Variants in IL11RA observed in about 807,000 individuals in gnomAD.
IL11RA encodes interleukin-11 receptor subunit alpha.
In IL11RA, 51 loss-of-function variants were observed where a neutral mutation model predicts 57.0. That is an observed-to-expected ratio of 0.89 (90% confidence interval 0.71 to 1.13). IL11RA has a LOEUF of 1.13. Ranked by LOEUF, IL11RA falls within the 50% of genes most tolerant of loss-of-function variation. The pLI, the probability that IL11RA is intolerant of heterozygous loss-of-function variation, is 0.00. For synonymous variants in IL11RA, 199 were observed against 217.5 expected (o/e 0.91, Z 0.75); for missense variants, 498 against 539.4 (o/e 0.92, Z 0.76).
Position 34,661,802 on chromosome 9 carries a change from GGAGT to G in IL11RA, c.*306_*309del. 1 of 921,756 alleles carries G rather than the reference GGAGT, an allele frequency of 1.1e-6. No individual in the cohort carries two copies. The highest frequency in any genetic ancestry group is 1.7e-6 in the Non-Finnish European group (1 of 589,928). The allele number at this position is 921,756 out of a possible 1,614,324, so 57.1% of individuals were successfully genotyped here. A position where few individuals can be genotyped will look rare whatever the true frequency, so the allele number is the denominator to read the frequency against. On this transcript the variant is annotated 3_prime_UTR_variant, in exon 13 of 13. Coordinates refer to ENST00000441545, the MANE Select transcript of IL11RA (RefSeq NM_001142784.3). The stretch of plus-strand genomic sequence containing the variant: ...TGCATGCATGTATGTAGGTGCCTGG[GGAGT>G]GTGTGTGGGTCCTTGGCTCTTGGCC...
chr9:34,658,793 C>A lies in IL11RA; in HGVS notation c.810+110C>A. 1.6e-6 allele frequency: 2 copies of A among 1,236,332 alleles called. No homozygotes were observed. The highest frequency in any genetic ancestry group is 2.5e-5 in the South Asian group (2 of 81,536). The allele number at this position is 1,236,332 out of a possible 1,614,324, so 76.6% of individuals were successfully genotyped here. On this transcript the variant is annotated intron_variant, in intron 8 of 12. Coordinates refer to ENST00000441545, the MANE Select transcript of IL11RA (RefSeq NM_001142784.3). This position sits in a 1 kb window ranked among gnomAD's most constrained non-coding sequence, Gnocchi z 4.0. ...TGCTGGCAGGTCACTGAAGACCCAA[C>A]ACTTCCCTGTGGGCCAGGCTTTGTA... is the stretch of plus-strand genomic sequence containing the variant.
intron 3 of IL11RA, among the ~76,000 whole-genome samples, chr9:34,656,266 A>G (rs1051889172): frequency 2.0e-5 from 3 of 151,980 alleles, no homozygotes; most frequent in Non-Finnish European, 4.4e-5. Flanking sequence ...TCCTGACTTC[A>G]AGTAATCCAC....
At chr9:34,661,419 C>T (rs1821454168) in intron 12 of IL11RA, 63 bp from the exon 13 acceptor site, 7 of 1,580,018 alleles carry the variant, frequency 4.4e-6, no homozygotes. Flanking sequence ...CCCTCATTCT[C>T]AGGGTGTCTG....
At chr9:34,656,464 AGTGC>A in intron 3 of IL11RA, among the ~76,000 whole-genome samples, 1 of 152,326 alleles carries the variant, frequency 6.6e-6, no homozygotes. Flanking sequence ...GGGAGCAGCT[AGTGC>A]AAAATGTCCT....
rs750878767 is a variant in IL11RA, at chr9:34,657,069, A to G, written c.366A>G (p.Ala122=). Residue 122 remains alanine, a synonymous_variant, in exon 5 of 13, where the codon GCA becomes GCG. Coordinates refer to ENST00000441545, the MANE Select transcript of IL11RA (RefSeq NM_001142784.3). ...PPARPVVSCQ[A]ADYENFSCTW... ...CCCGCCCTGTTGTCTCCTGCCAAGCAGCCGACTATGAGAACTTCTCTTGCA... is the reference window on the plus strand; with the variant it reads ...CCCGCCCTGTTGTCTCCTGCCAAGCGGCCGACTATGAGAACTTCTCTTGCA... The G allele has an allele frequency of 9.1e-5, 147 of 1,614,060 alleles. 1 individual carries two copies. Among genetic ancestry groups the G allele is most frequent in the Non-Finnish European group, 3.1e-5 (36 of 1,180,046 alleles).
At chr9:34,660,424 A>T (rs754534089) in intron 10 of IL11RA, 31 bp downstream of exon 10, 2 of 1,613,806 alleles carry the variant, frequency 1.2e-6, no homozygotes, top group Non-Finnish European at 1.7e-6. Context: ...AAGACTTGTA[A>T]AGGACTGAAA....
chr9:34,655,650 C>T lies in IL11RA; in HGVS notation c.146C>T (p.Pro49Leu). ...GGCAGGTCCGTGAAGCTGTGTTGTC[C>T]TGGAGTGACTGCCGGGTAAGTGCCC... ...QPGRSVKLCCPGVTAGDPVSW... is the reference protein window; with the variant it reads ...QPGRSVKLCCLGVTAGDPVSW... Residue 49 changes from proline (P) to leucine (L), a missense_variant, in exon 3 of 13, where the codon CCT (proline) becomes CTT (leucine). Coordinates refer to ENST00000441545, the MANE Select transcript of IL11RA (RefSeq NM_001142784.3). 6.2e-7 allele frequency: 1 copy of T among 1,614,106 alleles called. No homozygotes were observed. The highest frequency in any genetic ancestry group is 8.5e-7 in the Non-Finnish European group (1 of 1,180,012).
At position 34,661,684 on chromosome 9, in the gene IL11RA, C is replaced by A; in HGVS notation, c.*186C>A. The A allele has an allele frequency of 1.3e-6, 1 of 755,976 alleles. No individual in the cohort carries two copies. The highest frequency in any genetic ancestry group is 2.3e-6 in the Non-Finnish European group (1 of 436,218). The allele number at this position is 755,976 out of a possible 1,614,324, so 46.8% of individuals were successfully genotyped here. ...GGTGCTTGTACCTCTGATTTCACCC[C>A]AGAGTTGGAGTTCTGCTCAAGGAAC... On this transcript the variant is annotated 3_prime_UTR_variant, in exon 13 of 13. Coordinates refer to ENST00000441545, the MANE Select transcript of IL11RA (RefSeq NM_001142784.3).
intron 4 of IL11RA, 49 bp downstream of exon 4, chr9:34,656,957 T>C: frequency 2.5e-6 from 4 of 1,611,572 alleles, no homozygotes; most frequent in Non-Finnish European, 3.4e-6. Flanking sequence ...CCTGAGGGAG[T>C]ATGGGACCTA....
At position 34,655,294 on chromosome 9, in the gene IL11RA, G is replaced by GC; in HGVS notation, c.82dup (p.Gln28ProfsTer45). ...GCCCTGGTGTCTGCCTCCTCCCCCT[G>GC]CCCCCAGGCCTGGGGCCCCCCAGGT... On this transcript the variant is annotated frameshift_variant, in exon 2 of 13. Coordinates refer to ENST00000441545, the MANE Select transcript of IL11RA (RefSeq NM_001142784.3). LOFTEE classifies it high-confidence loss of function. The GC allele has an allele frequency of 1.2e-6, 2 of 1,609,412 alleles. No individual in the cohort carries two copies. The highest frequency in any genetic ancestry group is 1.7e-6 in the Non-Finnish European group (2 of 1,177,418).
chr9:34,658,595 C>CA lies in IL11RA; in HGVS notation c.723dup (p.Tyr242IlefsTer117). 1 of 1,614,168 alleles carries CA rather than the reference C, an allele frequency of 6.2e-7. No homozygotes were observed. The highest frequency in any genetic ancestry group is 1.1e-5 in the South Asian group (1 of 91,090). ...CCCCGACGCCTGCGAGCCAGCTGGA[C>CA]ATACCCTGCCTCCTGGCCGTGCCAG... On this transcript the variant is annotated frameshift_variant, in exon 8 of 13. Transcript: ENST00000441545. LOFTEE classifies it high-confidence loss of function. This position sits in a 1 kb window ranked among gnomAD's most constrained non-coding sequence, Gnocchi z 4.0.
chr9:34,659,645 C>T, intron 8 of IL11RA, 114 bp from the exon 9 acceptor site: 2 of 1,291,100 alleles, frequency 1.5e-6, no homozygotes, highest in Non-Finnish European at 1.1e-6. Flanking sequence ...GAGACCTAGA[C>T]AGCTCCACTA....
At position 34,657,068 on chromosome 9, in the gene IL11RA, C is replaced by G. The variant is rs1168683694; in HGVS notation, c.365C>G (p.Ala122Gly). The G allele has an allele frequency of 1.9e-6, 3 of 1,614,044 alleles. No individual in the cohort carries two copies. The highest frequency in any genetic ancestry group is 2.5e-6 in the Non-Finnish European group (3 of 1,180,038). ...PPARPVVSCQ[A>G]ADYENFSCTW... Reference sequence around the variant, plus strand: ...GCCCGCCCTGTTGTCTCCTGCCAAGCAGCCGACTATGAGAACTTCTCTTGC... The same window carrying G: ...GCCCGCCCTGTTGTCTCCTGCCAAGGAGCCGACTATGAGAACTTCTCTTGC... Residue 122 changes from alanine to glycine, a missense_variant, in exon 5 of 13, where the codon GCA becomes GGA. By Grantham distance (60) the Ala-to-Gly change is moderately conservative. Coordinates refer to ENST00000441545, the MANE Select transcript of IL11RA (RefSeq NM_001142784.3).
At chr9:34,661,255 G>A (rs1365002191) in intron 12 of IL11RA, among the ~76,000 whole-genome samples, 1 of 151,606 alleles carries the variant, frequency 6.6e-6, no homozygotes, top group African/African-American at 2.4e-5. Flanking sequence ...TTTTCAAGGT[G>A]TCTTGGATCA....
chr9:34,658,727 C>T lies in IL11RA; in HGVS notation c.810+44C>T, dbSNP rs746048364. The T allele has an allele frequency of 4.4e-6, 7 of 1,598,682 alleles. No homozygotes were observed. In the South Asian group the frequency reaches 7.7e-5, roughly 18 times the overall value. On this transcript the variant is annotated intron_variant, in intron 8 of 12. Coordinates refer to ENST00000441545, the MANE Select transcript of IL11RA (RefSeq NM_001142784.3). This position sits in a 1 kb window ranked among gnomAD's most constrained non-coding sequence, Gnocchi z 4.0. ...CCCAACCCACGGCTGTGGGTCCTGT[C>T]TCTGATTTCACGATCCTGGGTGTTC...
At chr9:34,660,205 C>G in intron 9 of IL11RA, 69 bp from the exon 10 acceptor site, 1 of 1,612,666 alleles carries the variant, frequency 6.2e-7, no homozygotes, top group East Asian at 2.2e-5. Context: ...AGGCCTTGGC[C>G]TTGAGCACAG....
At chr9:34,660,201 T>C (rs941208273) in intron 9 of IL11RA, 73 bp from the exon 10 acceptor site, 2 of 1,610,692 alleles carry the variant, frequency 1.2e-6, no homozygotes, top group African/African-American at 2.7e-5. Context: ...ACCTAGGCCT[T>C]GGCCTTGAGC....
intron 1 of IL11RA, chr9:34,655,005 GTGT>G: frequency 1.8e-6 from 1 of 561,900 alleles, no homozygotes; most frequent in East Asian, 3.2e-5. Context: ...GTGTGTGTGT[GTGT>G]GTGTGTGTGC....
intron 3 of IL11RA, chr9:34,655,902 A>C: frequency 1.7e-6 from 1 of 584,736 alleles, no homozygotes. Context: ...ATGCCAGGCA[A>C]GGTGCCTGCC....
Sources: allele counts gnomAD v4.1 joint callset (sites outside exome capture counted in the v4.1 genomes callset), GRCh38; gene constraint gnomAD v4.1.1; non-coding constraint Gnocchi (gnomAD v3.1); transcripts MANE v1.5; gene names NCBI Gene and HGNC (gene_info 2026-07-23, HGNC 2026-07-21).